Variants in DCBLD2 observed in about 807,000 individuals in gnomAD.
DCBLD2 encodes discoidin, CUB and LCCL domain containing 2, also known as discoidin, CUB and LCCL domain-containing protein 2.
DCBLD2 carries 54 observed loss-of-function variants against 86.8 expected under a neutral mutation model. That is an observed-to-expected ratio of 0.62 (90% CI 0.50 to 0.78). DCBLD2 has a LOEUF of 0.78. DCBLD2 is among the 30% of genes least tolerant of loss of function. The pLI, the probability that DCBLD2 is intolerant of heterozygous loss-of-function variation, is 0.00. For synonymous variants in DCBLD2, 354 were observed against 341.3 expected, an observed-to-expected ratio of 1.04 and a Z score of -0.41; for missense variants, 908 against 954.2, an observed-to-expected ratio of 0.95 and a Z score of 0.64.
chr3:98,800,362 C>G (rs1233470892), intron 15 of DCBLD2, among the ~76,000 whole-genome samples: 3 of 152,092 alleles, frequency 2.0e-5, no homozygotes, highest in Non-Finnish European at 2.9e-5. Flanking sequence ...TGCCCAGAGT[C>G]TTTAGAAATC....
intron 13 of DCBLD2, among the ~76,000 whole-genome samples, chr3:98,802,340 T>C (rs1262077455): frequency 6.6e-6 from 1 of 152,246 alleles, no homozygotes; most frequent in African/African-American, 2.4e-5. Context: ...GTTTGTTGGC[T>C]GCATAAATGT....
In DCBLD2 at chr3:98,796,580, G is replaced by A. The variant is rs1941603161; in HGVS notation, c.*2792C>T. The A allele has an allele frequency of 6.6e-6, 1 of 152,588 alleles. No homozygotes were observed. Among genetic ancestry groups the A allele is most frequent in the African/African-American group, 2.4e-5 (1 of 41,446 alleles). 9.5% of individuals were successfully genotyped at this position (152,588 alleles called of 1,614,324 possible). A position where few individuals can be genotyped will look rare whatever the true frequency, so the allele number is the denominator to read the frequency against. On this transcript the variant is annotated 3_prime_UTR_variant, in exon 16 of 16. Transcript: ENST00000326840. The stretch of plus-strand genomic sequence containing the variant: ...GGGGAGAGGCAAGTGTGTATGTGTT[G>A]TCATACTTACTGCATTAATTCTTCA...
In DCBLD2 at chr3:98,842,270, G is replaced by A. The variant is rs72936606; in HGVS notation, c.571+7191C>T. On this transcript the variant is annotated intron_variant, in intron 3 of 15. Transcript: ENST00000326840. ...CTCATCTTGTCAATAGCCTTGCATC[G>A]TAGATATATGAACAGCTACTCTGTT... is the stretch of plus-strand genomic sequence containing the variant. Among the ~76,000 whole-genome samples, 1,147 of 152,188 alleles carry A rather than the reference G, an allele frequency of 7.5e-3. 12 individuals carry two copies. Among genetic ancestry groups the A allele is most frequent in the African/African-American group, 0.026 (1,095 of 41,510 alleles).
intron 2 of DCBLD2, 38 bp from the exon 3 acceptor site, chr3:98,849,636 C>G: frequency 6.3e-7 from 1 of 1,588,878 alleles, no homozygotes; most frequent in Non-Finnish European, 8.6e-7. Flanking sequence ...TGGGATGACT[C>G]TCATGAAGTC....
chr3:98,842,320 G>A (rs1942636778), intron 3 of DCBLD2, among the ~76,000 whole-genome samples: 2 of 152,194 alleles, frequency 1.3e-5, no homozygotes, highest in African/African-American at 4.8e-5. Context: ...TGTAGGATAA[G>A]CCTGGTCTTC....
Position 98,799,508 on chromosome 3 carries a change from T to G in DCBLD2, c.2192A>C (p.Gln731Pro), listed in dbSNP as rs1025855126. Residue 731 changes from glutamine to proline, a missense_variant, in exon 16 of 16, where the codon CAG (glutamine) becomes CCG (proline). Around this residue, in one of 3 missense-constraint regions of DCBLD2, gnomAD observed 606 missense variants for 678.5 expected, o/e 0.89. Transcript: ENST00000326840. ...CTTCCCAGCTTTCGGGGTATCATAC[T>G]GGGCCTGGGCTGAGGAGCAGCTGTC... is the stretch of plus-strand genomic sequence containing the variant. ...RTDSCSSAQA[Q>P]YDTPKAGKPG... 6.2e-7 allele frequency: 1 copy of G among 1,614,040 alleles called. No individual in the cohort carries two copies. The highest frequency in any genetic ancestry group is 8.5e-7 in the Non-Finnish European group (1 of 1,179,892).
chr3:98,816,978 T>G (rs1470059766), intron 9 of DCBLD2, among the ~76,000 whole-genome samples: 1 of 152,126 alleles, frequency 6.6e-6, no homozygotes, highest in Admixed American at 6.5e-5. Flanking sequence ...AGATGGCGTG[T>G]TGCCATGTTG....
chr3:98,881,796 T>G, intron 1 of DCBLD2, 29 bp from the exon 2 acceptor site: 1 of 1,572,716 alleles, frequency 6.4e-7, no homozygotes, highest in Non-Finnish European at 8.7e-7. Context: ...GAATGATAAA[T>G]TATTCTCACA....
intron 3 of DCBLD2, among the ~76,000 whole-genome samples, chr3:98,835,554 T>A (rs1942422878): frequency 1.4e-5 from 2 of 142,954 alleles, no homozygotes; most frequent in South Asian, 4.4e-4. Flanking sequence ...TTTTTTCTTC[T>A]TTTTTTTTTT....
Position 98,849,560 on chromosome 3 carries a change from T to A in DCBLD2, c.472A>T (p.Ile158Phe). 1 of 1,613,834 alleles carries A rather than the reference T, an allele frequency of 6.2e-7. No individual in the cohort carries two copies. Among genetic ancestry groups the A allele is most frequent in the Non-Finnish European group, 8.5e-7 (1 of 1,179,772 alleles). Residue 158 changes from isoleucine to phenylalanine, a missense_variant, in exon 3 of 16, where the codon ATT (isoleucine) becomes TTT (phenylalanine). By Grantham distance (21) the Ile-to-Phe change is conservative. Transcript: ENST00000326840. Reference protein sequence around the residue: ...CGLGLQMNHSIESKGNEITLL... With the variant: ...CGLGLQMNHSFESKGNEITLL... Reference sequence around the variant, plus strand: ...GTGATTTCATTGCCTTTTGATTCAATTGAATGGTTCATTTGCAACCCCAGA... The same window carrying A: ...GTGATTTCATTGCCTTTTGATTCAAATGAATGGTTCATTTGCAACCCCAGA...
chr3:98,846,442 A>C (rs1942724343), intron 3 of DCBLD2, among the ~76,000 whole-genome samples: 1 of 152,220 alleles, frequency 6.6e-6, no homozygotes, highest in Admixed American at 6.5e-5. Context: ...TTAATGAGTC[A>C]TTATAAGAAA....
chr3:98,901,404 G>T lies in DCBLD2; in HGVS notation c.-78C>A. 8.0e-7 allele frequency: 1 copy of T among 1,244,514 alleles called. No homozygotes were observed. The highest frequency in any genetic ancestry group is 1.0e-6 in the Non-Finnish European group (1 of 995,084). 77.1% of individuals were successfully genotyped at this position (1,244,514 alleles called of 1,614,324 possible). ...CGCCTCTGGCCGCGGCACCCGACCA[G>T]GAGACGGCGGCAGCGGCGGGAGAAC... On this transcript the variant is annotated 5_prime_UTR_variant, in exon 1 of 16. The change creates a new upstream start codon in the 5' untranslated region. Coordinates refer to ENST00000326840, the MANE Select transcript of DCBLD2 (RefSeq NM_080927.4).
At chr3:98,863,866 T>C (rs561966377) in intron 2 of DCBLD2, among the ~76,000 whole-genome samples, 29 of 152,244 alleles carry the variant, frequency 1.9e-4, no homozygotes, top group African/African-American at 7.0e-4. Flanking sequence ...TGGGATCTAA[T>C]TAAACTAAAG....
chr3:98,844,775 G>A (rs2439230), intron 3 of DCBLD2, among the ~76,000 whole-genome samples: 147,973 of 152,288 alleles, frequency 0.97, 72,050 homozygotes, highest in East Asian at 1. Context: ...TTTCTATAGA[G>A]CTTCTAAACA....
At chr3:98,889,045 T>G (rs987760527) in intron 1 of DCBLD2, among the ~76,000 whole-genome samples, 1 of 152,034 alleles carries the variant, frequency 6.6e-6, no homozygotes, top group African/African-American at 2.4e-5. Context: ...CCTCACTTCT[T>G]TCTCTACCTA....
chr3:98,893,661 A>G (rs973614404), intron 1 of DCBLD2, among the ~76,000 whole-genome samples: 3 of 152,206 alleles, frequency 2.0e-5, no homozygotes, highest in Admixed American at 1.3e-4. Flanking sequence ...AGGTACCACA[A>G]AGCAATGAAA....
intron 2 of DCBLD2, among the ~76,000 whole-genome samples, chr3:98,876,958 CAG>C (rs551221920): frequency 1.1e-4 from 16 of 152,024 alleles, no homozygotes; most frequent in Middle Eastern, 3.4e-3. Context: ...AAGGAGAAAA[CAG>C]AAAATATAAA....
At chr3:98,819,611 A>G (rs1458500552) in intron 7 of DCBLD2, among the ~76,000 whole-genome samples, 194 bp from the exon 8 acceptor site, 1 of 152,180 alleles carries the variant, frequency 6.6e-6, no homozygotes, top group African/African-American at 2.4e-5. Flanking sequence ...GAAACCTACA[A>G]ACATGCTCAT....
intron 2 of DCBLD2, among the ~76,000 whole-genome samples, chr3:98,876,412 T>TAAAAAAAGAAAAAAAAAAAAAAAAAAAAA (rs1943371459): frequency 2.1e-5 from 1 of 47,534 alleles, no homozygotes; most frequent in African/African-American, 1.1e-4. Flanking sequence ...AGATAAAAAG[T>TAAAAAAAGAAAAAAAAAAAAAAAAAAAAA]AAAAAAAAAA....
Sources: allele counts gnomAD v4.1 joint callset (sites outside exome capture counted in the v4.1 genomes callset), GRCh38; gene constraint gnomAD v4.1.1; regional missense constraint gnomAD v4.1.1; transcripts MANE v1.5; gene names NCBI Gene and HGNC (gene_info 2026-07-23, HGNC 2026-07-21).